NRG3: variants seen among roughly 807,000 people sequenced by gnomAD.
NRG3 encodes the protein pro-neuregulin-3, membrane-bound isoform.
NRG3 carries 31 observed loss-of-function variants against 66.9 expected under a neutral mutation model. The observed-to-expected ratio is 0.46, with a 90% CI of 0.35 to 0.63. The LOEUF (loss-of-function observed/expected upper bound fraction) is 0.63, where lower values mean the gene tolerates loss of function less well. Ranked by LOEUF, NRG3 falls within the 20% of genes least tolerant of loss-of-function variation. The pLI, the probability that NRG3 is intolerant of heterozygous loss-of-function variation, is 0.00. For missense variants in NRG3, 910 were observed against 878.9 expected (o/e 1.04, Z -0.45); for synonymous variants, 393 against 359.4 (o/e 1.09, Z -1.06).
At chr10:82,719,418 G>C (rs2057165402) in intron 2 of NRG3, among the ~76,000 whole-genome samples, 1 of 152,206 alleles carries the variant, frequency 6.6e-6, no homozygotes, top group African/African-American at 2.4e-5. Context: ...GGTCAAGCCA[G>C]CTGATCTGTA....
chr10:82,839,264 A>G lies in NRG3; in HGVS notation c.1028-26147A>G, dbSNP rs2062936611. 2.6e-5 allele frequency among the ~76,000 whole-genome samples: 4 copies of G among 152,094 alleles called. No homozygotes were observed. The South Asian group carries it at 8.3e-4, about 31-fold the overall frequency. ...CATTTTCTTAAAATGGTTATAGGAT[A>G]CTCTAATATTCAGCTAGTAACAAGT... On this transcript the variant is annotated intron_variant, in intron 3 of 8. Transcript: ENST00000372141.
chr10:82,730,394 T>G (rs1450060801), intron 2 of NRG3, among the ~76,000 whole-genome samples: 2 of 152,184 alleles, frequency 1.3e-5, no homozygotes, highest in Non-Finnish European at 2.9e-5. Flanking sequence ...AATCCCTACA[T>G]TTTCTTAAAA....
At chr10:82,008,386 A>G (rs2132609089) in intron 1 of NRG3, among the ~76,000 whole-genome samples, 1 of 152,334 alleles carries the variant, frequency 6.6e-6, no homozygotes, top group East Asian at 1.9e-4. Flanking sequence ...TAGCTCTAAA[A>G]ATAGTGTTCA....
At chr10:82,655,990 A>G (rs951271303) in intron 2 of NRG3, among the ~76,000 whole-genome samples, 4 of 152,194 alleles carry the variant, frequency 2.6e-5, no homozygotes, top group African/African-American at 9.6e-5. Flanking sequence ...TAACCTAAAG[A>G]AAAGGGACTC....
At chr10:82,166,997 A>G (rs1394826271) in intron 1 of NRG3, among the ~76,000 whole-genome samples, 1 of 151,806 alleles carries the variant, frequency 6.6e-6, no homozygotes, top group Non-Finnish European at 1.5e-5. Flanking sequence ...TATGTATGTA[A>G]CGCATCTTTT....
intron 1 of NRG3, among the ~76,000 whole-genome samples, chr10:82,109,970 A>C (rs766874562): frequency 3.9e-5 from 6 of 152,118 alleles, no homozygotes; most frequent in Non-Finnish European, 8.8e-5. Context: ...AATTTAACTA[A>C]TTTTTGGTGA....
At chr10:82,463,869 G>C (rs1378092373) in intron 2 of NRG3, among the ~76,000 whole-genome samples, 2 of 152,228 alleles carry the variant, frequency 1.3e-5, no homozygotes, top group African/African-American at 2.4e-5. Flanking sequence ...ATCTTGAAAA[G>C]CATGGCTCTG....
rs770466301 is a variant in NRG3, at chr10:82,130,194, A to G, written c.824-228545A>G. On this transcript the variant is annotated intron_variant, in intron 1 of 8. Coordinates refer to ENST00000372141, the MANE Select transcript of NRG3 (RefSeq NM_001010848.4). ...TTCTTTTATTCTATCAATTTTTTAG[A>G]CTATATGTATGTATCACTTTTTCTT... 1.2e-3 allele frequency among the ~76,000 whole-genome samples: 179 copies of G among 151,326 alleles called. 1 individual carries two copies. Among genetic ancestry groups the G allele is most frequent in the Non-Finnish European group, 2.2e-3 (146 of 67,826 alleles).
chr10:82,682,389 GTAGA>G (rs1343017035), intron 2 of NRG3, among the ~76,000 whole-genome samples: 4 of 141,208 alleles, frequency 2.8e-5, no homozygotes, highest in Non-Finnish European at 6.2e-5. Flanking sequence ...TAGGTAGATA[GTAGA>G]TAGACAGATA....
In NRG3 at chr10:82,941,694, A is replaced by G. The variant is rs116520122; in HGVS notation, c.1055-9775A>G. On this transcript the variant is annotated intron_variant, in intron 4 of 8. Coordinates refer to ENST00000372141, the MANE Select transcript of NRG3 (RefSeq NM_001010848.4). The stretch of plus-strand genomic sequence containing the variant: ...TTGATGGATAGAAATAAATACTAGA[A>G]TTAGGCAGGGAGAAATGCTGGAGTG... Among the ~76,000 whole-genome samples the G allele has an allele frequency of 8.2e-3, 1,244 of 152,306 alleles. 20 individuals are homozygous for G. Among genetic ancestry groups the G allele is most frequent in the African/African-American group, 0.028 (1,173 of 41,556 alleles).
intron 2 of NRG3, among the ~76,000 whole-genome samples, chr10:82,617,522 G>C (rs746669279): frequency 6.6e-6 from 1 of 152,218 alleles, no homozygotes; most frequent in Non-Finnish European, 1.5e-5. Context: ...ATAAATGTCT[G>C]TTGGGGGTGA....
chr10:82,273,556 G>C (rs967510895), intron 1 of NRG3, among the ~76,000 whole-genome samples: 1 of 151,936 alleles, frequency 6.6e-6, no homozygotes, highest in African/African-American at 2.4e-5. Context: ...AATAATTGAA[G>C]AAAATGTTTC....
intron 1 of NRG3, among the ~76,000 whole-genome samples, chr10:81,918,824 A>ACAAAAAAAAAAC (rs1554854968): frequency 6.6e-6 from 1 of 151,430 alleles, no homozygotes; most frequent in Admixed American, 6.6e-5. Context: ...TTTGCAAAAA[A>ACAAAAAAAAAAC]CAAAAACAAA....
At chr10:81,983,417 C>T (rs755209027) in intron 1 of NRG3, among the ~76,000 whole-genome samples, 17 of 152,164 alleles carry the variant, frequency 1.1e-4, no homozygotes, top group Admixed American at 2.6e-4. Context: ...ATTGCTAATA[C>T]ACGAATTACT....
At chr10:82,925,646 A>G (rs539318664) in intron 4 of NRG3, among the ~76,000 whole-genome samples, 2 of 152,274 alleles carry the variant, frequency 1.3e-5, no homozygotes, top group East Asian at 3.9e-4. Context: ...AAGGGTTATT[A>G]TTTTTTAATC....
rs149452786 is a variant in NRG3 at position 82,932,578 on chromosome 10, C to G, written c.1055-18891C>G. ...ACATGTTGGATCTTTCCACCTCTGA[C>G]TGGGGCTCTCTGTGGCCAGCATCCA... On this transcript the variant is annotated intron_variant, in intron 4 of 8. Coordinates refer to ENST00000372141, the MANE Select transcript of NRG3 (RefSeq NM_001010848.4). 2.5e-3 allele frequency among the ~76,000 whole-genome samples: 385 copies of G among 152,216 alleles called. 1 individual carries two copies. Among genetic ancestry groups the G allele is most frequent in the African/African-American group, 8.7e-3 (362 of 41,540 alleles).
intron 1 of NRG3, among the ~76,000 whole-genome samples, chr10:82,247,259 G>T (rs1180838926): frequency 6.6e-6 from 1 of 152,148 alleles, no homozygotes; most frequent in Non-Finnish European, 1.5e-5. Context: ...AGAGTGGGTA[G>T]CTCATAACAA....
At chr10:82,518,064 A>AT (rs980896800) in intron 2 of NRG3, among the ~76,000 whole-genome samples, 2 of 152,034 alleles carry the variant, frequency 1.3e-5, no homozygotes, top group African/African-American at 2.4e-5. Context: ...CTTTAGATTC[A>AT]TTTTTCAACT....
chr10:82,709,459 G>C lies in NRG3; in HGVS notation c.954-29118G>C, dbSNP rs540168476. ...TGCTGTGGCGCGATCTTGGCTCACT[G>C]CAACCTCGGCTTCCTGGGTTCAAGC... On this transcript the variant is annotated intron_variant, in intron 2 of 8. Transcript: ENST00000372141. 4.6e-3 allele frequency among the ~76,000 whole-genome samples: 706 copies of C among 152,050 alleles called. 4 individuals are homozygous for C. The highest frequency in any genetic ancestry group is 7.1e-3 in the Non-Finnish European group (483 of 67,986).
Sources: allele counts gnomAD v4.1 joint callset (sites outside exome capture counted in the v4.1 genomes callset), GRCh38; gene constraint gnomAD v4.1.1; transcripts MANE v1.5; gene names NCBI Gene and HGNC (gene_info 2026-07-23, HGNC 2026-07-21).